The following ZNF69 variants were observed in gnomAD, a reference collection of about 807,000 sequenced individuals.
ZNF69 encodes the protein ZNF3.
ZNF69 carries 47 observed loss-of-function variants against 50.9 expected under a neutral mutation model. The observed-to-expected ratio is 0.92, with a 90% CI of 0.73 to 1.18. The LOEUF is 1.18. ZNF69 is among the 50% of genes most tolerant of loss of function. The pLI is 0.00. For synonymous variants in ZNF69, 216 were observed against 223.1 expected (o/e 0.97, Z 0.29); for missense variants, 717 against 675.1 (o/e 1.06, Z -0.69).
chr19:11,896,117 G>A (rs1977220115), intron 1 of ZNF69, among the ~76,000 whole-genome samples: 1 of 150,866 alleles, frequency 6.6e-6, no homozygotes. Context: ...TACTTGGAAG[G>A]CTGAAACAGG....
At position 11,903,894 on chromosome 19, in the gene ZNF69, C is replaced by T. The variant is rs1972303846; in HGVS notation, c.191-11C>T. The T allele has an allele frequency of 1.9e-6, 3 of 1,612,758 alleles. No homozygotes were observed. The highest frequency in any genetic ancestry group is 2.2e-5 in the East Asian group (1 of 44,868). On this transcript the variant is annotated splice_polypyrimidine_tract_variant and intron_variant, in intron 2 of 3. Coordinates refer to ENST00000429654, the MANE Select transcript of ZNF69 (RefSeq NM_001364730.1). ...CTGCCTCAGGACTATTTTTCTGTGTCTATATTTTAGGAAAAAGTTGGAAAG... is the reference window on the plus strand; with the variant it reads ...CTGCCTCAGGACTATTTTTCTGTGTTTATATTTTAGGAAAAAGTTGGAAAG...
the ZNF69 span, among the ~76,000 whole-genome samples, chr19:11,921,853 C>T: frequency 1.3e-5 from 2 of 152,110 alleles, no homozygotes; most frequent in Non-Finnish European, 2.9e-5. Flanking sequence ...AAGTTATTAT[C>T]TATAGAGCAG....
intron 1 of ZNF69, among the ~76,000 whole-genome samples, chr19:11,888,659 T>A (rs17001721): frequency 2.6e-5 from 4 of 151,994 alleles, no homozygotes; most frequent in Non-Finnish European, 5.9e-5. Context: ...GAAGGTGTAA[T>A]TTCCTTAGGC....
rs774164963 is a variant in ZNF69 at position 11,906,193 on chromosome 19, A to G, written c.*95A>G. The G allele has an allele frequency of 1.8e-4, 286 of 1,550,884 alleles. 1 individual carries two copies. The Middle Eastern group carries it at 2.4e-3, about 13-fold the overall frequency. ...ATGTAAAGAATGTGGGAAACCCTTC[A>G]GGTCTGCCCAGAACCTTCGAATTCA... On this transcript the variant is annotated 3_prime_UTR_variant, in exon 4 of 4. Transcript: ENST00000429654.
chr19:11,972,096 C>A, the ZNF69 span, among the ~76,000 whole-genome samples: 1 of 151,498 alleles, frequency 6.6e-6, no homozygotes, highest in South Asian at 2.1e-4. Context: ...AGAAATTAGT[C>A]CAGCCTGGGT....
chr19:11,913,188 C>G (rs1321215841), intron 4 of ZNF69, among the ~76,000 whole-genome samples: 1 of 151,272 alleles, frequency 6.6e-6, no homozygotes, highest in Middle Eastern at 3.2e-3. Context: ...CAGAGTGAGG[C>G]TCCGTTTCAA....
At chr19:11,975,996 T>C in the ZNF69 span, among the ~76,000 whole-genome samples, 1 of 150,322 alleles carries the variant, frequency 6.7e-6, no homozygotes, top group African/African-American at 2.5e-5. Context: ...AACTGAATGA[T>C]TCCTGGGCAT....
chr19:11,932,839 G>A, the ZNF69 span, among the ~76,000 whole-genome samples: 4 of 147,254 alleles, frequency 2.7e-5, no homozygotes, highest in East Asian at 5.8e-4. Flanking sequence ...GGGTTTCACC[G>A]TGTTAGCCAG....
chr19:11,919,137 C>T (rs1378348593), downstream of ZNF69, among the ~76,000 whole-genome samples: 3 of 152,078 alleles, frequency 2.0e-5, no homozygotes, highest in East Asian at 1.9e-4. Context: ...CCTCGTGATC[C>T]GCCTACCTTG....
At chr19:11,950,339 C>T in the ZNF69 span, 3 of 1,401,594 alleles carry the variant, frequency 2.1e-6, no homozygotes, top group South Asian at 2.5e-5. Context: ...TTCACATTTT[C>T]CAGTTCTTTT....
the ZNF69 span, chr19:11,965,187 C>A: frequency 6.2e-7 from 1 of 1,614,070 alleles, no homozygotes; most frequent in Non-Finnish European, 8.5e-7. Flanking sequence ...GAGAGGACCC[C>A]AGGACATCTG....
the ZNF69 span, chr19:11,950,269 G>A: frequency 1.3e-6 from 2 of 1,594,418 alleles, no homozygotes; most frequent in Non-Finnish European, 1.7e-6. Flanking sequence ...TTCCTTTTAT[G>A]GACATGAATA....
chr19:11,948,203 G>A, the ZNF69 span: 1 of 1,522,924 alleles, frequency 6.6e-7, no homozygotes, highest in Non-Finnish European at 8.9e-7. Flanking sequence ...AAAAATGCAA[G>A]TGCAATACTT....
the ZNF69 span, among the ~76,000 whole-genome samples, chr19:11,931,372 G>A: frequency 1.4e-5 from 2 of 147,934 alleles, no homozygotes; most frequent in Non-Finnish European, 1.5e-5. Context: ...TCTTATAAGA[G>A]CACTAATCTC....
In ZNF69 at chr19:11,905,537, A is replaced by G. The variant is rs563105765; in HGVS notation, c.1140A>G (p.Lys380=). ...CCAATTCATTTCAAAGACATGAAAAAACTCACAGTGGAGAGAAACCCTATA... is the reference window on the plus strand; with the variant it reads ...CCAATTCATTTCAAAGACATGAAAAGACTCACAGTGGAGAGAAACCCTATA... ...CSANSFQRHE[K]THSGEKPYKC... Residue 380 remains lysine, a synonymous_variant, in exon 4 of 4, where the codon AAA becomes AAG. Coordinates refer to ENST00000429654, the MANE Select transcript of ZNF69 (RefSeq NM_001364730.1). 1 of 1,613,634 alleles carries G rather than the reference A, an allele frequency of 6.2e-7. No homozygotes were observed. Among genetic ancestry groups the G allele is most frequent in the African/African-American group, 1.3e-5 (1 of 74,824 alleles).
chr19:11,905,287 T>G lies in ZNF69; in HGVS notation c.890T>G (p.Ile297Ser). Residue 297 changes from isoleucine (I) to serine (S), a missense_variant, in exon 4 of 4, where the codon ATT (isoleucine) becomes AGT (serine). By Grantham distance (142) the Ile-to-Ser change is moderately radical. Coordinates refer to ENST00000429654, the MANE Select transcript of ZNF69 (RefSeq NM_001364730.1). ...AGATGCTATCGTAGACATGAAAGGA[T>G]TCACACGGGAGAGAAGGCTTATCAA... ...SPRCYRRHER[I>S]HTGEKAYQCK... The G allele has an allele frequency of 6.2e-7, 1 of 1,613,966 alleles. No homozygotes were observed. The highest frequency in any genetic ancestry group is 8.5e-7 in the Non-Finnish European group (1 of 1,179,982).
chr19:11,955,396 C>A, the ZNF69 span, among the ~76,000 whole-genome samples: 1 of 132,242 alleles, frequency 7.6e-6, no homozygotes, highest in South Asian at 2.5e-4. Context: ...TTCTTTCTTT[C>A]TTTTTTTTTT....
At chr19:11,896,135 C>T (rs889999597) in intron 1 of ZNF69, among the ~76,000 whole-genome samples, 24 of 146,034 alleles carry the variant, frequency 1.6e-4, no homozygotes, top group African/African-American at 6.1e-4. Flanking sequence ...AGGAGAATCA[C>T]GAGAACCTGG....
chr19:11,925,974 A>G, the ZNF69 span, among the ~76,000 whole-genome samples: 443 of 152,292 alleles, frequency 2.9e-3, 10 homozygotes, highest in Admixed American at 0.026. Context: ...ATTGGCAGAA[A>G]GGGTGGGACC....
Sources: gnomAD v4.1 joint callset for allele counts (sites outside exome capture counted in the v4.1 genomes callset) on GRCh38, gnomAD v4.1.1 for gene constraint, MANE v1.5 for transcripts, NCBI Gene and HGNC (gene_info 2026-07-23, HGNC 2026-07-21) for gene names.